XPR1: variants seen among roughly 807,000 people sequenced by gnomAD.
The protein encoded by XPR1 is xenotropic and polytropic retrovirus receptor 1.
A neutral mutation model predicts 87.5 loss-of-function variants in XPR1; 28 were observed. The observed-to-expected ratio is 0.32, with a 90% confidence interval of 0.24 to 0.44. The LOEUF is 0.44. Among genes scored for constraint, XPR1 ranks in the 20% least tolerant of loss-of-function variants. The pLI, the probability that XPR1 is intolerant of heterozygous loss-of-function variation, is 1.00. For synonymous variants in XPR1, 300 were observed against 306.1 expected (o/e 0.98, Z 0.21); for missense variants, 559 against 862.3 (o/e 0.65, Z 4.41).
chr1:180,822,788 AAAAT>A (rs1206692566), intron 7 of XPR1, among the ~76,000 whole-genome samples: 2 of 152,222 alleles, frequency 1.3e-5, no homozygotes, highest in Admixed American at 6.5e-5. Context: ...ACTTTAAAAA[AAAAT>A]AAATAATTTG....
At chr1:180,880,688 C>G (rs190977802) in intron 14 of XPR1, among the ~76,000 whole-genome samples, 3 of 152,304 alleles carry the variant, frequency 2.0e-5, no homozygotes, top group Admixed American at 2.0e-4. Context: ...CTGCCCCCAT[C>G]TGTAAATTGA....
At chr1:180,709,313 C>CT (rs2101981047) in intron 2 of XPR1, among the ~76,000 whole-genome samples, 1 of 152,288 alleles carries the variant, frequency 6.6e-6, no homozygotes, top group East Asian at 1.9e-4. Flanking sequence ...ATTTAATAAA[C>CT]TGTATATATT....
chr1:180,683,040 T>C (rs1281579462), intron 2 of XPR1, among the ~76,000 whole-genome samples: 1 of 152,138 alleles, frequency 6.6e-6, no homozygotes, highest in Non-Finnish European at 1.5e-5. Flanking sequence ...GTTACATATG[T>C]ATACATGTGC....
chr1:180,743,194 A>G (rs72723009), intron 2 of XPR1, among the ~76,000 whole-genome samples: 8,273 of 143,550 alleles, frequency 0.058, 374 homozygotes, highest in East Asian at 0.14. Flanking sequence ...GCTTTTCCAT[A>G]TGTTTTCTGT....
chr1:180,863,835 G>GAAC lies in XPR1; in HGVS notation c.1631_1633dup (p.Asn544dup). On this transcript the variant is annotated inframe_insertion, in exon 12 of 15. Coordinates refer to ENST00000367590, the MANE Select transcript of XPR1 (RefSeq NM_004736.4). ...GTCTCTTCGATAAGAATGCTGGAGA[G>GAAC]AACACTTTCCTCCGGGAAGAGATTG... 1 of 1,607,958 alleles carries GAAC rather than the reference G, an allele frequency of 6.2e-7. No individual in the cohort carries two copies. The highest frequency in any genetic ancestry group is 8.5e-7 in the Non-Finnish European group (1 of 1,178,138).
At chr1:180,652,468 CTT>C (rs1009000780) in intron 1 of XPR1, among the ~76,000 whole-genome samples, 17 of 152,252 alleles carry the variant, frequency 1.1e-4, no homozygotes, top group African/African-American at 3.9e-4. Flanking sequence ...AAGATGAAGA[CTT>C]AGTCTTCTGT....
intron 3 of XPR1, among the ~76,000 whole-genome samples, chr1:180,790,879 A>T (rs974315093): frequency 6.6e-6 from 1 of 152,134 alleles, no homozygotes; most frequent in Admixed American, 6.6e-5. Context: ...AAACAGGTAG[A>T]TTTTCTGTAT....
intron 2 of XPR1, among the ~76,000 whole-genome samples, chr1:180,685,824 G>T (rs1183265047): frequency 1.3e-5 from 2 of 151,862 alleles, no homozygotes; most frequent in Non-Finnish European, 2.9e-5. Flanking sequence ...CTGTGGGATC[G>T]GTGGTGATAT....
At chr1:180,785,666 G>A (rs1199676080) in intron 2 of XPR1, among the ~76,000 whole-genome samples, 1 of 151,830 alleles carries the variant, frequency 6.6e-6, no homozygotes, top group Non-Finnish European at 1.5e-5. Flanking sequence ...AATTATTTTA[G>A]AAGAGAAGCT....
At chr1:180,686,441 T>C (rs897725653) in intron 2 of XPR1, among the ~76,000 whole-genome samples, 5 of 152,182 alleles carry the variant, frequency 3.3e-5, no homozygotes, top group East Asian at 3.8e-4. Flanking sequence ...TGTGGTGTGG[T>C]GCTGAAAAGA....
intron 11 of XPR1, among the ~76,000 whole-genome samples, chr1:180,842,237 G>C (rs1651542625): frequency 6.6e-6 from 1 of 152,146 alleles, no homozygotes; most frequent in Admixed American, 6.5e-5. Context: ...GAACTAGCCT[G>C]CAAGAGTTAC....
chr1:180,653,236 C>T (rs1655350136), intron 1 of XPR1, among the ~76,000 whole-genome samples: 2 of 152,094 alleles, frequency 1.3e-5, no homozygotes, highest in Non-Finnish European at 2.9e-5. Context: ...TTTACCTGTA[C>T]AGGGCTAACC....
At chr1:180,828,179 T>C (rs999332699) in intron 9 of XPR1, among the ~76,000 whole-genome samples, 3 of 152,100 alleles carry the variant, frequency 2.0e-5, no homozygotes, top group Admixed American at 1.3e-4. Context: ...CCCATCCTTT[T>C]CTTTAATTTT....
chr1:180,785,181 GCT>G (rs1219903805), intron 2 of XPR1, among the ~76,000 whole-genome samples: 2 of 151,690 alleles, frequency 1.3e-5, no homozygotes, highest in Non-Finnish European at 2.9e-5. Context: ...ATGGAGTCTT[GCT>G]CTGTCACCCA....
intron 2 of XPR1, among the ~76,000 whole-genome samples, chr1:180,756,543 A>G (rs1384386147): frequency 6.6e-6 from 1 of 152,160 alleles, no homozygotes; most frequent in African/African-American, 2.4e-5. Flanking sequence ...CGTCAGTTGT[A>G]TTGGCAAATA....
chr1:180,634,148 G>C (rs1654688141), intron 1 of XPR1, among the ~76,000 whole-genome samples: 1 of 152,188 alleles, frequency 6.6e-6, no homozygotes. Flanking sequence ...CTTGGATACT[G>C]TTCCTAAATG....
intron 13 of XPR1, among the ~76,000 whole-genome samples, chr1:180,879,357 C>G (rs1218634697): frequency 6.6e-6 from 1 of 152,188 alleles, no homozygotes; most frequent in Non-Finnish European, 1.5e-5. Flanking sequence ...CTGTTGTTCT[C>G]TCATTGTTCT....
At chr1:180,765,573 G>A (rs141423528) in intron 2 of XPR1, among the ~76,000 whole-genome samples, 1 of 152,120 alleles carries the variant, frequency 6.6e-6, no homozygotes, top group Non-Finnish European at 1.5e-5. Context: ...AAATCTGTGG[G>A]TGCCCATGTT....
intron 1 of XPR1, among the ~76,000 whole-genome samples, chr1:180,664,300 A>G (rs906332426): frequency 1.5e-4 from 23 of 152,140 alleles, no homozygotes; most frequent in African/African-American, 5.3e-4. Context: ...GGTGTATACT[A>G]CCTGTTTACC....
Sources: gnomAD v4.1 joint callset for allele counts (sites outside exome capture counted in the v4.1 genomes callset) on GRCh38, gnomAD v4.1.1 for gene constraint, MANE v1.5 for transcripts, NCBI Gene and HGNC (gene_info 2026-07-23, HGNC 2026-07-21) for gene names.